The following RARB variants were observed in gnomAD, a reference collection of about 807,000 sequenced individuals.
The protein encoded by RARB is HBV-activated protein.
Under a neutral mutation model 51.9 loss-of-function variants are expected in RARB, and 17 were observed. That is an observed-to-expected ratio of 0.33 (90% confidence interval 0.22 to 0.49). The LOEUF (loss-of-function observed/expected upper bound fraction) is 0.49. Among genes scored for constraint, RARB ranks in the 20% least tolerant of loss-of-function variants. The probability of loss-of-function intolerance (pLI) is 0.99; values close to 1 mark genes in which losing one functional copy is unlikely to be tolerated. For missense variants in RARB, 369 were observed against 550.8 expected (o/e 0.67, Z 3.30); for synonymous variants, 215 against 195.4 (o/e 1.10, Z -0.84).
intron 1 of RARB, among the ~76,000 whole-genome samples, chr3:24,845,759 C>G (rs1340112861): frequency 6.6e-6 from 1 of 152,054 alleles, no homozygotes; most frequent in Non-Finnish European, 1.5e-5. Context: ...GATAGCCCCC[C>G]TCCACCCACC....
chr3:25,200,696 G>A (rs909583420), intron 5 of RARB, among the ~76,000 whole-genome samples: 1 of 151,914 alleles, frequency 6.6e-6, no homozygotes, highest in African/African-American at 2.4e-5. Flanking sequence ...TATTAAATAG[G>A]TAATCCTTTC....
chr3:24,831,374 G>C (rs369701107), intron 1 of RARB, among the ~76,000 whole-genome samples: 1 of 152,168 alleles, frequency 6.6e-6, no homozygotes. Flanking sequence ...TAACGTTAAT[G>C]TCCTGGTATT....
intron 2 of RARB, among the ~76,000 whole-genome samples, chr3:24,948,192 G>A (rs1695814484): frequency 6.6e-6 from 1 of 152,092 alleles, no homozygotes; most frequent in African/African-American, 2.4e-5. Flanking sequence ...AAGATCTGAA[G>A]TCTCAGTGTA....
intron 5 of RARB, among the ~76,000 whole-genome samples, chr3:25,194,475 G>C (rs1004161651): frequency 4.7e-5 from 7 of 148,442 alleles, no homozygotes; most frequent in Admixed American, 2.7e-4. Flanking sequence ...ATATACAGTA[G>C]TGTGTATATA....
At chr3:25,281,240 C>T (rs1003486313) in intron 5 of RARB, among the ~76,000 whole-genome samples, 18 of 152,108 alleles carry the variant, frequency 1.2e-4, no homozygotes, top group African/African-American at 3.4e-4. Context: ...GACATTTCAC[C>T]CTGGGAACAG....
chr3:25,596,413 T>G lies in RARB; in HGVS notation c.1151-7T>G. On this transcript the variant is annotated splice_region_variant and splice_polypyrimidine_tract_variant and intron_variant, in intron 7 of 7. Transcript: ENST00000330688. ...TTAACCATATTTCCATTATCTCTTT[T>G]GAAAAGGTGCAGAGCGTGTAATTAC... 6.2e-7 allele frequency: 1 copy of G among 1,603,496 alleles called. No homozygotes were observed. The highest frequency in any genetic ancestry group is 1.1e-5 in the South Asian group (1 of 90,706).
At chr3:25,293,326 G>A (rs552131709) in intron 5 of RARB, among the ~76,000 whole-genome samples, 1 of 152,124 alleles carries the variant, frequency 6.6e-6, no homozygotes, top group African/African-American at 2.4e-5. Flanking sequence ...GTAAGATGAG[G>A]CTATAATAAT....
intron 4 of RARB, among the ~76,000 whole-genome samples, chr3:25,172,402 C>G (rs964000360): frequency 6.6e-6 from 1 of 152,168 alleles, no homozygotes. Flanking sequence ...CTACTCTTCT[C>G]ATCTGGAAAA....
intron 5 of RARB, among the ~76,000 whole-genome samples, chr3:25,286,115 C>T (rs538213614): frequency 4.4e-4 from 44 of 100,688 alleles, no homozygotes; most frequent in Non-Finnish European, 6.3e-4. Context: ...TTTTTTGAGA[C>T]GGAGTCTCTG....
At chr3:25,532,030 A>C (rs1698950098) in intron 3 of RARB, among the ~76,000 whole-genome samples, 1 of 152,130 alleles carries the variant, frequency 6.6e-6, no homozygotes, top group South Asian at 2.1e-4. Context: ...GTTTTAATGA[A>C]ATGTTTAAGG....
intron 5 of RARB, among the ~76,000 whole-genome samples, chr3:25,195,691 T>G (rs997028346): frequency 2.0e-5 from 3 of 152,028 alleles, no homozygotes; most frequent in African/African-American, 7.2e-5. Flanking sequence ...ATTTTGCCAT[T>G]AACTTATCAT....
At chr3:25,281,751 T>C (rs1703528394) in intron 5 of RARB, among the ~76,000 whole-genome samples, 1 of 152,202 alleles carries the variant, frequency 6.6e-6, no homozygotes, top group African/African-American at 2.4e-5. Flanking sequence ...TTTCAATAAT[T>C]ACTTACTTTT....
intron 3 of RARB, among the ~76,000 whole-genome samples, chr3:25,105,422 CAAAAAAA>C (rs755388268): frequency 1.2e-4 from 6 of 52,080 alleles, no homozygotes; most frequent in African/African-American, 3.7e-4. Context: ...TATACATGTG[CAAAAAAA>C]AAAAAAAAAA....
chr3:24,967,619 T>A (rs1052663888), intron 2 of RARB, among the ~76,000 whole-genome samples: 4 of 152,138 alleles, frequency 2.6e-5, no homozygotes, highest in African/African-American at 7.2e-5. Flanking sequence ...CACTGGCCTT[T>A]ATGAGCTGCT....
chr3:25,456,680 TATAGAGAG>T (rs1264415194), intron 1 of RARB, among the ~76,000 whole-genome samples: 2,797 of 99,782 alleles, frequency 0.028, 18 homozygotes, highest in East Asian at 0.052. Flanking sequence ...TATATATATA[TATAGAGAG>T]AGAGAGAGAG....
intron 2 of RARB, among the ~76,000 whole-genome samples, chr3:24,858,931 G>A (rs143623009): frequency 0.027 from 4,093 of 151,684 alleles, 85 homozygotes; most frequent in Middle Eastern, 0.058. Flanking sequence ...CAGCTACTCG[G>A]GAGGTTGAGG....
chr3:24,893,444 CAG>C (rs1259645056), intron 2 of RARB, among the ~76,000 whole-genome samples: 3 of 152,164 alleles, frequency 2.0e-5, no homozygotes, highest in East Asian at 1.9e-4. Context: ...CTTTGGGACA[CAG>C]AGATTAATAA....
chr3:24,941,374 C>CTT (rs567240324), intron 2 of RARB, among the ~76,000 whole-genome samples: 2,281 of 145,922 alleles, frequency 0.016, 57 homozygotes, highest in African/African-American at 0.053. Flanking sequence ...AAAAGGCAGT[C>CTT]TTTTTTTTTT....
rs550323246 is a variant in RARB, at chr3:25,083,818, T to TTTTA, written c.-328+23643_-328+23646dup. 6.6e-5 allele frequency among the ~76,000 whole-genome samples: 10 copies of TTTTA among 152,300 alleles called. No individual in the cohort carries two copies. In the South Asian group the frequency reaches 2.1e-3, roughly 32 times the overall value. ...TTTTGCAACTGGACTTTCAACTTGG[T>TTTTA]TTTAGGCTTTGTTGGGACAAATCTA... On this transcript the variant is annotated intron_variant, in intron 3 of 11. Transcript: ENST00000383772.
Sources: allele counts gnomAD v4.1 joint callset (sites outside exome capture counted in the v4.1 genomes callset), GRCh38; gene constraint gnomAD v4.1.1; transcripts MANE v1.5; gene names NCBI Gene and HGNC (gene_info 2026-07-23, HGNC 2026-07-21).